DIAPH3: variants seen among roughly 807,000 people sequenced by gnomAD.
DIAPH3 encodes the protein diaphanous related formin 3.
Under a neutral mutation model 144.3 loss-of-function variants are expected in DIAPH3, and 117 were observed. That is an observed-to-expected ratio of 0.81 (90% CI 0.70 to 0.95). The LOEUF is 0.95. DIAPH3 is among the 40% of genes least tolerant of loss of function. The pLI, the probability that DIAPH3 is intolerant of heterozygous loss-of-function variation, is 0.00. For missense variants in DIAPH3, 1,421 were observed against 1,412.7 expected (o/e 1.01, Z -0.09); for synonymous variants, 519 against 488.9 (o/e 1.06, Z -0.81).
At chr13:59,830,453 T>C (rs890925446) in intron 24 of DIAPH3, among the ~76,000 whole-genome samples, 2 of 151,880 alleles carry the variant, frequency 1.3e-5, no homozygotes, top group African/African-American at 4.8e-5. Context: ...TAATATTTAA[T>C]GTTAACAATT....
chr13:59,714,945 T>A (rs1258587432), intron 27 of DIAPH3, among the ~76,000 whole-genome samples: 1 of 151,740 alleles, frequency 6.6e-6, no homozygotes, highest in South Asian at 2.1e-4. Flanking sequence ...CAGTCCATAT[T>A]CTCCCTCTCC....
At chr13:59,769,856 A>C (rs1421224938) in intron 27 of DIAPH3, among the ~76,000 whole-genome samples, 1 of 152,114 alleles carries the variant, frequency 6.6e-6, no homozygotes, top group Non-Finnish European at 1.5e-5. Flanking sequence ...TAAATATTTT[A>C]ATTATCTTGA....
At chr13:59,866,912 G>T (rs1378910098) in intron 21 of DIAPH3, among the ~76,000 whole-genome samples, 2 of 151,864 alleles carry the variant, frequency 1.3e-5, no homozygotes, top group East Asian at 1.9e-4. Context: ...AAAAGTCAAT[G>T]TGGTAGTACA....
chr13:59,947,237 T>C (rs940855313), intron 17 of DIAPH3, among the ~76,000 whole-genome samples: 2 of 152,174 alleles, frequency 1.3e-5, no homozygotes, highest in African/African-American at 4.8e-5. Flanking sequence ...AACATTCTCA[T>C]AGATTATGGG....
At chr13:59,787,545 G>C (rs1425802057) in intron 25 of DIAPH3, among the ~76,000 whole-genome samples, 1 of 152,016 alleles carries the variant, frequency 6.6e-6, no homozygotes, top group Non-Finnish European at 1.5e-5. Flanking sequence ...GTGAGACTTT[G>C]TTTCTATTAA....
chr13:59,987,967 CT>C (rs1178189032), intron 12 of DIAPH3, among the ~76,000 whole-genome samples: 1 of 151,810 alleles, frequency 6.6e-6, no homozygotes, highest in Admixed American at 6.6e-5. Flanking sequence ...TCCTTAATGA[CT>C]TTTAACATAC....
chr13:59,820,978 A>G (rs371831089), intron 24 of DIAPH3, among the ~76,000 whole-genome samples: 1 of 151,834 alleles, frequency 6.6e-6, no homozygotes, highest in African/African-American at 2.4e-5. Flanking sequence ...TTTTTGCGAC[A>G]TAGAAAACTA....
Position 59,810,881 on chromosome 13 carries a change from T to C in DIAPH3, c.3070A>G (p.Lys1024Glu). ...ENIKKREAEE[K>E]EKRVRIAKEL... Reference sequence around the variant, plus strand: ...TTAGCTATTCTGACACGTTTTTCTTTTTCCTCTGCTTCTCTTTTTTTGATA... The same window carrying C: ...TTAGCTATTCTGACACGTTTTTCTTCTTCCTCTGCTTCTCTTTTTTTGATA... Residue 1024 changes from lysine to glutamate, a missense_variant, in exon 25 of 28, where the codon AAA (lysine) becomes GAA (glutamate). Transcript: ENST00000400324. 1 of 1,611,774 alleles carries C rather than the reference T, an allele frequency of 6.2e-7. No individual in the cohort carries two copies.
Position 60,129,756 on chromosome 13 carries a change from T to C in DIAPH3, c.213+3201A>G, listed in dbSNP as rs553322973. ...GGGCAAACTTCAATCAGAAAACATATTGCCAGTACATATCAAAGCATCATT... is the reference window on the plus strand; with the variant it reads ...GGGCAAACTTCAATCAGAAAACATACTGCCAGTACATATCAAAGCATCATT... On this transcript the variant is annotated intron_variant, in intron 2 of 27. Coordinates refer to ENST00000400324, the MANE Select transcript of DIAPH3 (RefSeq NM_001042517.2). Among the ~76,000 whole-genome samples, 7 of 152,300 alleles carry C rather than the reference T, an allele frequency of 4.6e-5. No individual in the cohort carries two copies. In the South Asian group the frequency reaches 1.0e-3, roughly 23 times the overall value.
chr13:59,926,202 C>T (rs778445100), intron 17 of DIAPH3, among the ~76,000 whole-genome samples: 4 of 151,698 alleles, frequency 2.6e-5, no homozygotes, highest in Admixed American at 2.6e-4. Context: ...TGCCCAGGCT[C>T]GTCTTGAACT....
intron 9 of DIAPH3, among the ~76,000 whole-genome samples, chr13:59,995,511 T>C (rs550130838): frequency 6.6e-5 from 10 of 152,004 alleles, no homozygotes; most frequent in African/African-American, 2.4e-4. Flanking sequence ...CTCACATACT[T>C]CATTCCTTCA....
intron 5 of DIAPH3, among the ~76,000 whole-genome samples, chr13:60,039,973 C>T (rs989278930): frequency 1.3e-5 from 2 of 152,000 alleles, no homozygotes. Flanking sequence ...CAGTGGCTTA[C>T]ACCTGGAATC....
chr13:59,746,340 C>G (rs948018427), intron 27 of DIAPH3, among the ~76,000 whole-genome samples: 2 of 151,930 alleles, frequency 1.3e-5, no homozygotes, highest in African/African-American at 4.8e-5. Flanking sequence ...TCTTGTGTCT[C>G]AGCCTCCCGA....
At chr13:59,811,937 T>C (rs2040499346) in intron 24 of DIAPH3, among the ~76,000 whole-genome samples, 1 of 151,974 alleles carries the variant, frequency 6.6e-6, no homozygotes, top group Non-Finnish European at 1.5e-5. Flanking sequence ...CAGGTAAACA[T>C]GGGATTTTTA....
intron 27 of DIAPH3, among the ~76,000 whole-genome samples, chr13:59,745,794 C>T (rs2132578): frequency 0.97 from 148,253 of 152,314 alleles, 72,181 homozygotes; most frequent in East Asian, 1. Context: ...CAATGCATAC[C>T]TTAGGGATAT....
chr13:59,976,608 T>C (rs28378681), intron 14 of DIAPH3, among the ~76,000 whole-genome samples: 11 of 151,832 alleles, frequency 7.2e-5, no homozygotes. Context: ...CTTCTGGTTC[T>C]CCTGCTACTC....
intron 23 of DIAPH3, among the ~76,000 whole-genome samples, chr13:59,835,566 C>G (rs1012344718): frequency 9.9e-5 from 15 of 151,660 alleles, no homozygotes; most frequent in Non-Finnish European, 2.2e-4. Context: ...GAATTAAGAA[C>G]AGCACATTTA....
chr13:59,994,537 G>C (rs906144842), intron 9 of DIAPH3, among the ~76,000 whole-genome samples: 14 of 151,958 alleles, frequency 9.2e-5, no homozygotes, highest in African/African-American at 3.4e-4. Flanking sequence ...AGATATATCA[G>C]TAAAATGATA....
intron 4 of DIAPH3, among the ~76,000 whole-genome samples, chr13:60,091,328 G>C (rs1334839432): frequency 6.6e-6 from 1 of 152,028 alleles, no homozygotes. Flanking sequence ...ACCATCTCTA[G>C]TGCCTAAAAT....
Sources: gnomAD v4.1 joint callset for allele counts (sites outside exome capture counted in the v4.1 genomes callset) on GRCh38, gnomAD v4.1.1 for gene constraint, MANE v1.5 for transcripts, NCBI Gene and HGNC (gene_info 2026-07-23, HGNC 2026-07-21) for gene names.